The following ZNF827 variants were observed in gnomAD, a reference collection of about 807,000 sequenced individuals.
The protein encoded by ZNF827 is zinc finger protein 827.
In ZNF827, 13 loss-of-function variants were observed where a neutral mutation model predicts 102.4. The observed-to-expected ratio is 0.13, with a 90% CI of 0.08 to 0.20. The LOEUF (loss-of-function observed/expected upper bound fraction) is 0.20, where lower values mean the gene tolerates loss of function less well. ZNF827 is among the 10% of genes least tolerant of loss of function. The pLI, the probability that ZNF827 is intolerant of heterozygous loss-of-function variation, is 1.00. For synonymous variants in ZNF827, 523 were observed against 536.2 expected, an observed-to-expected ratio of 0.98 and a Z score of 0.34; for missense variants, 1,103 against 1,344.4, an observed-to-expected ratio of 0.82 and a Z score of 2.81.
At chr4:145,825,966 G>A (rs959398390) in intron 7 of ZNF827, among the ~76,000 whole-genome samples, 2 of 152,162 alleles carry the variant, frequency 1.3e-5, no homozygotes, top group Non-Finnish European at 2.9e-5. Flanking sequence ...TGTTTCTATC[G>A]GGCAAAGAAT....
At chr4:145,781,228 G>GAAAAAAAAAAA (rs60872964) in intron 8 of ZNF827, among the ~76,000 whole-genome samples, 24 of 99,662 alleles carry the variant, frequency 2.4e-4, no homozygotes, top group Admixed American at 4.7e-4. Flanking sequence ...GAAAAAAAAA[G>GAAAAAAAAAAA]AAAAAAAAAA....
At chr4:145,788,155 G>T (rs1739158667) in intron 8 of ZNF827, among the ~76,000 whole-genome samples, 1 of 152,004 alleles carries the variant, frequency 6.6e-6, no homozygotes, top group Admixed American at 6.6e-5. Flanking sequence ...AGGAAAACTG[G>T]ATAACCATTT....
chr4:145,930,844 T>A (rs1753749364), intron 1 of ZNF827, among the ~76,000 whole-genome samples: 2 of 152,184 alleles, frequency 1.3e-5, no homozygotes, highest in East Asian at 3.8e-4. Flanking sequence ...TGTGCGTGTG[T>A]GTGTGTGTGC....
chr4:145,853,850 A>G (rs957700577), intron 5 of ZNF827, among the ~76,000 whole-genome samples: 1 of 152,018 alleles, frequency 6.6e-6, no homozygotes, highest in African/African-American at 2.4e-5. Flanking sequence ...TTGTAGTCCC[A>G]GCTATTTGGG....
chr4:145,847,226 T>C (rs534528755), intron 6 of ZNF827, among the ~76,000 whole-genome samples: 4 of 151,998 alleles, frequency 2.6e-5, no homozygotes, highest in Non-Finnish European at 5.9e-5. Flanking sequence ...ATATCAAGTA[T>C]GTGGTCTGAT....
intron 3 of ZNF827, among the ~76,000 whole-genome samples, chr4:145,889,857 G>T (rs1017254571): frequency 2.6e-5 from 4 of 151,900 alleles, no homozygotes; most frequent in African/African-American, 9.7e-5. Context: ...GACGCCTGTA[G>T]TCCCAGCTAC....
At chr4:145,867,735 T>A (rs1748329433) in intron 5 of ZNF827, among the ~76,000 whole-genome samples, 1 of 151,962 alleles carries the variant, frequency 6.6e-6, no homozygotes, top group African/African-American at 2.4e-5. Flanking sequence ...AGACTACAAA[T>A]GAAAACAAGC....
At chr4:145,925,765 T>C (rs1287090016) in intron 1 of ZNF827, among the ~76,000 whole-genome samples, 1 of 152,200 alleles carries the variant, frequency 6.6e-6, no homozygotes, top group East Asian at 1.9e-4. Flanking sequence ...AGCAGTACTT[T>C]AGAGAATTGT....
chr4:145,883,354 G>T (rs888352909), intron 4 of ZNF827, among the ~76,000 whole-genome samples: 17 of 152,260 alleles, frequency 1.1e-4, no homozygotes, highest in African/African-American at 4.1e-4. Context: ...CCAATTATCA[G>T]TCAGTAAATA....
chr4:145,928,621 A>T (rs1656090737), intron 1 of ZNF827, among the ~76,000 whole-genome samples: 1 of 152,220 alleles, frequency 6.6e-6, no homozygotes, highest in African/African-American at 2.4e-5. Context: ...CACAAATGAG[A>T]AAAACAGGCA....
chr4:145,799,421 C>T (rs542738520), intron 8 of ZNF827, among the ~76,000 whole-genome samples: 2 of 152,094 alleles, frequency 1.3e-5, no homozygotes, highest in African/African-American at 2.4e-5. Flanking sequence ...AAGTCTGGCA[C>T]GGAAGGCTGA....
intron 8 of ZNF827, among the ~76,000 whole-genome samples, chr4:145,814,955 A>G (rs978021533): frequency 6.6e-6 from 1 of 151,932 alleles, no homozygotes; most frequent in Non-Finnish European, 1.5e-5. Flanking sequence ...ACAAAACAAA[A>G]CAAAAAAACC....
chr4:145,799,509 C>A (rs17020588), intron 8 of ZNF827, among the ~76,000 whole-genome samples: 26,568 of 152,146 alleles, frequency 0.17, 3,316 homozygotes, highest in East Asian at 0.67. Flanking sequence ...CTATCCTGAC[C>A]AAAGGCCATT....
chr4:145,785,354 T>G (rs1464724946), intron 8 of ZNF827, among the ~76,000 whole-genome samples: 3 of 152,172 alleles, frequency 2.0e-5, no homozygotes, highest in Non-Finnish European at 2.9e-5. Context: ...CCATCCAGCA[T>G]GCCTCCAAAA....
intron 1 of ZNF827, 91 bp from the exon 2 acceptor site, chr4:145,903,306 C>T: frequency 6.7e-7 from 1 of 1,481,690 alleles, no homozygotes; most frequent in Non-Finnish European, 8.9e-7. Context: ...CATGCTTTCT[C>T]TTCCCTTCCA....
At chr4:145,807,774 T>TAA (rs146780172) in intron 8 of ZNF827, among the ~76,000 whole-genome samples, 1,740 of 111,970 alleles carry the variant, frequency 0.016, 37 homozygotes, top group African/African-American at 0.054. Context: ...CAGGCTGCTT[T>TAA]AAAAAAAAAA....
intron 6 of ZNF827, among the ~76,000 whole-genome samples, chr4:145,848,188 A>G (rs748626341): frequency 1.2e-4 from 18 of 152,224 alleles, no homozygotes; most frequent in Non-Finnish European, 2.5e-4. Context: ...AAAAATACAT[A>G]AATAAAAGTA....
chr4:145,776,627 T>C (rs1737151407), intron 9 of ZNF827, among the ~76,000 whole-genome samples: 1 of 152,016 alleles, frequency 6.6e-6, no homozygotes, highest in African/African-American at 2.4e-5. Flanking sequence ...TGTGTGTGTG[T>C]ACCCCATGTG....
At chr4:145,891,999 C>T (rs903421631) in intron 3 of ZNF827, among the ~76,000 whole-genome samples, 1 of 152,206 alleles carries the variant, frequency 6.6e-6, no homozygotes, top group Non-Finnish European at 1.5e-5. Context: ...AGGAGAGGAC[C>T]GCCCTCCAGT....
Sources: allele counts gnomAD v4.1 joint callset (sites outside exome capture counted in the v4.1 genomes callset), GRCh38; gene constraint gnomAD v4.1.1; transcripts MANE v1.5; gene names NCBI Gene and HGNC (gene_info 2026-07-23, HGNC 2026-07-21).